Variants in FNIP1 observed in about 807,000 individuals in gnomAD.
FNIP1 encodes folliculin-interacting protein 1.
A neutral mutation model predicts 124.5 loss-of-function variants in FNIP1; 40 were observed. The ratio of observed to expected loss-of-function variants is 0.32; its 90% CI spans 0.25 to 0.42. The LOEUF (loss-of-function observed/expected upper bound fraction) is 0.42, where lower values mean the gene tolerates loss of function less well. Among genes scored for constraint, FNIP1 ranks in the 10% least tolerant of loss-of-function variants. The pLI is 1.00. For missense variants in FNIP1, 1,176 were observed against 1,403.7 expected (o/e 0.84, Z 2.59); for synonymous variants, 472 against 470.6 (o/e 1.00, Z -0.04).
intron 16 of FNIP1, among the ~76,000 whole-genome samples, chr5:131,648,256 A>G (rs1766949292): frequency 6.7e-6 from 1 of 148,680 alleles, no homozygotes; most frequent in Admixed American, 6.7e-5. Flanking sequence ...AGGGGTTTTG[A>G]GGGTGCATTG....
At chr5:131,678,456 ACAGTG>A (rs1454019526) in intron 12 of FNIP1, among the ~76,000 whole-genome samples, 4 of 152,072 alleles carry the variant, frequency 2.6e-5, no homozygotes, top group African/African-American at 4.8e-5. Context: ...CACCCAGGCT[ACAGTG>A]CAGTGGCGCA....
chr5:131,779,451 G>A (rs545640736), intron 1 of FNIP1, among the ~76,000 whole-genome samples: 24 of 152,106 alleles, frequency 1.6e-4, no homozygotes, highest in African/African-American at 5.8e-4. Flanking sequence ...AGACCAAGGT[G>A]GGTGGATCAC....
chr5:131,709,131 G>A, intron 8 of FNIP1, 70 bp downstream of exon 8: 2 of 1,231,712 alleles, frequency 1.6e-6, no homozygotes, highest in Non-Finnish European at 2.4e-6. Context: ...ATAATAAAGG[G>A]AGGGATAAAA....
chr5:131,724,801 A>G (rs779956172), intron 3 of FNIP1, among the ~76,000 whole-genome samples: 1 of 152,034 alleles, frequency 6.6e-6, no homozygotes, highest in Non-Finnish European at 1.5e-5. Context: ...ATGGTATTGC[A>G]TAGGTTTTCT....
intron 11 of FNIP1, among the ~76,000 whole-genome samples, chr5:131,691,918 G>A (rs540488983): frequency 6.6e-6 from 1 of 152,176 alleles, no homozygotes; most frequent in African/African-American, 2.4e-5. Context: ...CTTATGGTGA[G>A]AGACTGGATG....
chr5:131,769,367 A>G (rs1361996110), intron 1 of FNIP1, among the ~76,000 whole-genome samples: 1 of 152,234 alleles, frequency 6.6e-6, no homozygotes, highest in Non-Finnish European at 1.5e-5. Context: ...TAAAGCAAAT[A>G]TATCACCAAA....
At chr5:131,713,723 C>G (rs1769377446) in intron 6 of FNIP1, among the ~76,000 whole-genome samples, 2 of 152,190 alleles carry the variant, frequency 1.3e-5, no homozygotes, top group South Asian at 4.1e-4. Flanking sequence ...AAACAGCCAG[C>G]AAAGTGCCAA....
chr5:131,755,331 G>C (rs1216920303), intron 1 of FNIP1, among the ~76,000 whole-genome samples: 1 of 151,004 alleles, frequency 6.6e-6, no homozygotes, highest in Non-Finnish European at 1.5e-5. Flanking sequence ...TGGGACAGGA[G>C]AACCACTTGA....
Position 131,719,465 on chromosome 5 carries a change from G to T in FNIP1, c.355-48C>A, listed in dbSNP as rs763359192. ...CAAACTGTGTTAATTAAAAGCTTAT[G>T]ACTATTTCATATGTTGATTTTTATT... On this transcript the variant is annotated intron_variant, in intron 3 of 17. Transcript: ENST00000510461. 5 of 1,497,280 alleles carry T rather than the reference G, an allele frequency of 3.3e-6. No individual in the cohort carries two copies. In the South Asian group the frequency reaches 4.8e-5, roughly 14 times the overall value. The allele number at this position is 1,497,280 out of a possible 1,614,324, so 92.7% of individuals were successfully genotyped here. A position where few individuals can be genotyped will look rare whatever the true frequency, so the allele number is the denominator to read the frequency against.
intron 1 of FNIP1, among the ~76,000 whole-genome samples, chr5:131,793,181 G>A (rs1772467032): frequency 6.6e-6 from 1 of 152,072 alleles, no homozygotes; most frequent in Non-Finnish European, 1.5e-5. Flanking sequence ...ACAGGTGCAT[G>A]CTGCCACACA....
chr5:131,719,620 C>T (rs1769588969), intron 3 of FNIP1, among the ~76,000 whole-genome samples: 1 of 152,116 alleles, frequency 6.6e-6, no homozygotes, highest in Non-Finnish European at 1.5e-5. Context: ...ATAAATTTGA[C>T]TAATTCCTTT....
chr5:131,738,398 T>C (rs1021280591), intron 2 of FNIP1, among the ~76,000 whole-genome samples: 25 of 152,188 alleles, frequency 1.6e-4, no homozygotes, highest in African/African-American at 5.6e-4. Context: ...ACTTTCCTTA[T>C]GGTGTTGTTT....
At chr5:131,649,050 C>T (rs1235320715) in intron 16 of FNIP1, among the ~76,000 whole-genome samples, 1 of 152,114 alleles carries the variant, frequency 6.6e-6, no homozygotes, top group African/African-American at 2.4e-5. Flanking sequence ...TTTTGTTTAT[C>T]CATTCATTTG....
chr5:131,794,989 T>C (rs946007247), intron 1 of FNIP1, among the ~76,000 whole-genome samples: 1 of 152,250 alleles, frequency 6.6e-6, no homozygotes, highest in Non-Finnish European at 1.5e-5. Flanking sequence ...TTATACTTTA[T>C]TGTGTATAAA....
intron 15 of FNIP1, among the ~76,000 whole-genome samples, chr5:131,666,461 T>C (rs931010588): frequency 6.6e-6 from 1 of 152,180 alleles, no homozygotes; most frequent in African/African-American, 2.4e-5. Flanking sequence ...GGACCACTAA[T>C]ATAAAAGTCT....
intron 8 of FNIP1, among the ~76,000 whole-genome samples, chr5:131,707,496 A>C (rs199987930): frequency 1.3e-5 from 2 of 152,246 alleles, no homozygotes; most frequent in East Asian, 3.8e-4. Flanking sequence ...AGATCTATTC[A>C]TTTGAATTCT....
At chr5:131,733,649 T>G (rs1770182042) in intron 2 of FNIP1, among the ~76,000 whole-genome samples, 1 of 152,370 alleles carries the variant, frequency 6.6e-6, no homozygotes, top group South Asian at 2.1e-4. Context: ...TTGCGTATGT[T>G]AAACCAGCCT....
intron 1 of FNIP1, among the ~76,000 whole-genome samples, chr5:131,791,835 A>G (rs2149591417): frequency 6.6e-6 from 1 of 152,204 alleles, no homozygotes; most frequent in South Asian, 2.1e-4. Context: ...TTCTATTAAC[A>G]ATAATACTAT....
At chr5:131,713,910 C>G (rs1446732965) in intron 6 of FNIP1, among the ~76,000 whole-genome samples, 1 of 152,216 alleles carries the variant, frequency 6.6e-6, no homozygotes, top group Non-Finnish European at 1.5e-5. Context: ...TTCTCAATCC[C>G]ACTTATCTGA....
Sources: gnomAD v4.1 joint callset for allele counts (sites outside exome capture counted in the v4.1 genomes callset) on GRCh38, gnomAD v4.1.1 for gene constraint, MANE v1.5 for transcripts, NCBI Gene and HGNC (gene_info 2026-07-23, HGNC 2026-07-21) for gene names.